VPS54: variants seen among roughly 807,000 people sequenced by gnomAD.
VPS54 encodes the protein VPS54 subunit of GARP complex, also known as vacuolar protein sorting-associated protein 54.
In VPS54, 45 loss-of-function variants were observed where a neutral mutation model predicts 121.5. The ratio of observed to expected loss-of-function variants is 0.37; its 90% CI spans 0.29 to 0.47. The LOEUF (loss-of-function observed/expected upper bound fraction) is 0.47, where lower values mean the gene tolerates loss of function less well. Ranked by LOEUF, VPS54 falls within the 20% of genes least tolerant of loss-of-function variation. VPS54 has a pLI of 0.99. For synonymous variants in VPS54, 371 were observed against 385.8 expected (o/e 0.96, Z 0.45); for missense variants, 1,090 against 1,131.4 (o/e 0.96, Z 0.52).
intron 15 of VPS54, 136 bp from the exon 16 acceptor site, chr2:63,917,099 A>C: frequency 1.2e-6 from 1 of 828,322 alleles, no homozygotes; most frequent in Non-Finnish European, 1.9e-6. Flanking sequence ...CTGGGAAACT[A>C]TTTGGCACAC....
chr2:63,987,443 T>C (rs1182195483), intron 1 of VPS54, among the ~76,000 whole-genome samples: 1 of 151,816 alleles, frequency 6.6e-6, no homozygotes, highest in African/African-American at 2.4e-5. Context: ...GTTGTATAAT[T>C]TGAAATCACA....
intron 1 of VPS54, among the ~76,000 whole-genome samples, chr2:64,009,912 G>A (rs757599158): frequency 1.3e-5 from 2 of 151,520 alleles, no homozygotes; most frequent in South Asian, 2.1e-4. Flanking sequence ...CGTGATCTCG[G>A]CTCACTGCAA....
chr2:64,000,693 G>A (rs1677832084), intron 1 of VPS54, among the ~76,000 whole-genome samples: 1 of 152,226 alleles, frequency 6.6e-6, no homozygotes, highest in Non-Finnish European at 1.5e-5. Context: ...GGATTACCAA[G>A]CAGAGATTCT....
intron 1 of VPS54, among the ~76,000 whole-genome samples, chr2:63,992,215 G>T (rs192083961): frequency 0.012 from 1,872 of 152,326 alleles, 17 homozygotes; most frequent in Non-Finnish European, 0.015. Context: ...GGCCCTGGAA[G>T]GGGCTCCAGC....
At chr2:63,931,527 C>A (rs138691333) in intron 12 of VPS54, among the ~76,000 whole-genome samples, 1 of 152,084 alleles carries the variant, frequency 6.6e-6, no homozygotes. Flanking sequence ...AAGACTTAAA[C>A]GTAAGACCTA....
intron 12 of VPS54, among the ~76,000 whole-genome samples, chr2:63,929,384 T>C (rs553349825): frequency 5.9e-5 from 9 of 152,106 alleles, no homozygotes; most frequent in Non-Finnish European, 4.4e-5. Context: ...CTCAACTACA[T>C]GGAAACTGAA....
At chr2:63,912,793 C>G (rs1395650020) in intron 18 of VPS54, 132 bp from the exon 19 acceptor site, 1 of 1,135,818 alleles carries the variant, frequency 8.8e-7, no homozygotes, top group Non-Finnish European at 1.2e-6. Flanking sequence ...AACGAAGAGC[C>G]CTATGGCAGA....
intron 2 of VPS54, 120 bp downstream of exon 2, chr2:63,983,744 C>A (rs575342024): frequency 4.5e-6 from 6 of 1,339,016 alleles, no homozygotes; most frequent in Non-Finnish European, 5.9e-6. Flanking sequence ...GCCCGGCCCC[C>A]CCAAATGATT....
chr2:63,998,264 T>C (rs944075774), intron 1 of VPS54, among the ~76,000 whole-genome samples: 4 of 152,228 alleles, frequency 2.6e-5, no homozygotes, highest in African/African-American at 7.2e-5. Context: ...CTAGAGAATA[T>C]CTTTTTCCAT....
intron 7 of VPS54, among the ~76,000 whole-genome samples, chr2:63,949,371 C>G (rs1675133911): frequency 6.6e-6 from 1 of 152,118 alleles, no homozygotes; most frequent in African/African-American, 2.4e-5. Context: ...ACAGTTGACC[C>G]TTGAACAACA....
At chr2:63,973,560 C>T (rs373144549) in intron 3 of VPS54, among the ~76,000 whole-genome samples, 37 of 152,040 alleles carry the variant, frequency 2.4e-4, no homozygotes, top group African/African-American at 7.2e-4. Flanking sequence ...TGGTACCAGT[C>T]CCTTTTTGTT....
rs1309675106 is a variant in VPS54 at position 63,961,298 on chromosome 2, A to G, written c.1010+760T>C. Among the ~76,000 whole-genome samples, 6 of 152,322 alleles carry G rather than the reference A, an allele frequency of 3.9e-5. No individual in the cohort carries two copies. In the South Asian group the frequency reaches 1.0e-3, roughly 26 times the overall value. On this transcript the variant is annotated intron_variant, in intron 7 of 22. Coordinates refer to ENST00000272322, the MANE Select transcript of VPS54 (RefSeq NM_016516.3). ...AATATATCCTAAACATTCCAATTAC[A>G]TATCTTCAGTCAATAAGATTTATAA...
intron 7 of VPS54, among the ~76,000 whole-genome samples, chr2:63,959,914 G>A (rs953316572): frequency 5.9e-5 from 9 of 152,064 alleles, no homozygotes; most frequent in South Asian, 4.2e-4. Context: ...CCAGCTACTC[G>A]GGAGCTGAGG....
chr2:63,906,777 C>T (rs1013610991), intron 20 of VPS54, among the ~76,000 whole-genome samples: 3 of 152,158 alleles, frequency 2.0e-5, no homozygotes, highest in Non-Finnish European at 4.4e-5. Context: ...GTCAATTTCA[C>T]CCCAACTGAT....
At chr2:63,990,006 G>T (rs1054232998) in intron 1 of VPS54, among the ~76,000 whole-genome samples, 2 of 152,332 alleles carry the variant, frequency 1.3e-5, no homozygotes, top group Admixed American at 1.3e-4. Flanking sequence ...AACATTCCAG[G>T]AGCTGTTCCC....
At chr2:63,920,373 T>G in intron 14 of VPS54, 73 bp downstream of exon 14, 2 of 1,323,862 alleles carry the variant, frequency 1.5e-6, no homozygotes, top group Admixed American at 3.0e-5. Flanking sequence ...TTAGGTTTCC[T>G]CTTTTAAACA....
At position 63,987,872 on chromosome 2, in the gene VPS54, T is replaced by C. The variant is rs531394007; in HGVS notation, c.-20-3853A>G. 1.4e-4 allele frequency among the ~76,000 whole-genome samples: 22 copies of C among 152,354 alleles called. No homozygotes were observed. In the East Asian group the frequency reaches 4.2e-3, roughly 29 times the overall value. On this transcript the variant is annotated intron_variant, in intron 1 of 22. Transcript: ENST00000272322. ...ATGATACTGATTTTTGTATGCTGAT[T>C]TTGTATCCTGCAACTTTACTGAATC... is the stretch of plus-strand genomic sequence containing the variant.
intron 3 of VPS54, 89 bp from the exon 4 acceptor site, chr2:63,972,333 T>A (rs1422030088): frequency 1.1e-6 from 1 of 918,890 alleles, no homozygotes; most frequent in East Asian, 2.6e-5. Context: ...TATCAGAATA[T>A]GCCAAATTAG....
Position 63,996,565 on chromosome 2 carries a change from C to G in VPS54, c.-20-12546G>C, listed in dbSNP as rs112294734. The stretch of plus-strand genomic sequence containing the variant: ...ATTAGGTCTGACTGCCTGGAAGCCA[C>G]GCAGGACAGAGCCATATTTCTCTTA... On this transcript the variant is annotated intron_variant, in intron 1 of 22. Transcript: ENST00000272322. 6.4e-3 allele frequency among the ~76,000 whole-genome samples: 978 copies of G among 152,218 alleles called. 7 individuals are homozygous for G. Among genetic ancestry groups the G allele is most frequent in the South Asian group, 0.022 (106 of 4,818 alleles).
Sources: gnomAD v4.1 joint callset for allele counts (sites outside exome capture counted in the v4.1 genomes callset) on GRCh38, gnomAD v4.1.1 for gene constraint, MANE v1.5 for transcripts, NCBI Gene and HGNC (gene_info 2026-07-23, HGNC 2026-07-21) for gene names.